Variants in NIM1K observed in about 807,000 individuals in gnomAD.
The protein encoded by NIM1K is serine/threonine-protein kinase NIM1.
A neutral mutation model predicts 37.1 loss-of-function variants in NIM1K; 35 were observed. The ratio of observed to expected loss-of-function variants is 0.94; its 90% CI spans 0.72 to 1.25. The LOEUF is 1.25. Among genes scored for constraint, NIM1K ranks in the 50% most tolerant of loss-of-function variants. The pLI is 0.00. For synonymous variants in NIM1K, 234 were observed against 206.6 expected (o/e 1.13, Z -1.14); for missense variants, 564 against 548.0 (o/e 1.03, Z -0.29).
chr5:43,209,479 G>C (rs1021684240), intron 1 of NIM1K, among the ~76,000 whole-genome samples: 1 of 151,354 alleles, frequency 6.6e-6, no homozygotes, highest in Non-Finnish European at 1.5e-5. Context: ...TTAAATTTTT[G>C]CCTTTTATTT....
chr5:43,235,330 C>A (rs1752605923), intron 1 of NIM1K, among the ~76,000 whole-genome samples: 1 of 152,122 alleles, frequency 6.6e-6, no homozygotes, highest in South Asian at 2.1e-4. Flanking sequence ...ATTGAAATAC[C>A]AATTTCATAC....
intron 1 of NIM1K, among the ~76,000 whole-genome samples, chr5:43,196,195 T>C (rs1370725764): frequency 2.0e-5 from 3 of 152,192 alleles, no homozygotes; most frequent in Non-Finnish European, 4.4e-5. Flanking sequence ...GTGTCTCTAT[T>C]TGTTGGAATT....
chr5:43,199,204 A>AAAAAAAAAAATAT (rs1200134957), intron 1 of NIM1K, among the ~76,000 whole-genome samples: 24 of 94,058 alleles, frequency 2.6e-4, no homozygotes, highest in Non-Finnish European at 4.5e-4. Context: ...AAAAAAAAAA[A>AAAAAAAAAAATAT]ATATATATAT....
At chr5:43,233,312 T>TAAA (rs548135228) in intron 1 of NIM1K, 3,678 of 299,814 alleles carry the variant, frequency 0.012, no homozygotes, top group East Asian at 0.022. Context: ...GAGTGACACT[T>TAAA]AAAAAAAAAA....
chr5:43,231,959 A>G, intron 1 of NIM1K: 1 of 963,460 alleles, frequency 1.0e-6, no homozygotes, highest in Non-Finnish European at 1.6e-6. Context: ...AGTGAACAAA[A>G]GCACTCTTGA....
chr5:43,192,375 C>A lies in NIM1K; in HGVS notation c.-731C>A, dbSNP rs1466505397. ...CAACCCAGCGCGCCTAGCCTGGCGCCGTGCAGCGAAGCCCAAGAGCTGGCC... is the reference window on the plus strand; with the variant it reads ...CAACCCAGCGCGCCTAGCCTGGCGCAGTGCAGCGAAGCCCAAGAGCTGGCC... On this transcript the variant is annotated 5_prime_UTR_variant, in exon 1 of 4. Coordinates refer to ENST00000326035, the MANE Select transcript of NIM1K (RefSeq NM_153361.4). The A allele has an allele frequency of 6.6e-6, 1 of 152,394 alleles. No homozygotes were observed. Among genetic ancestry groups the A allele is most frequent in the African/African-American group, 2.4e-5 (1 of 41,468 alleles). The allele number at this position is 152,394 out of a possible 1,614,324, so 9.4% of individuals were successfully genotyped here.
At chr5:43,224,156 T>C (rs2112234167) in intron 1 of NIM1K, among the ~76,000 whole-genome samples, 1 of 152,064 alleles carries the variant, frequency 6.6e-6, no homozygotes, top group East Asian at 1.9e-4. Flanking sequence ...TCCCCCCTCT[T>C]GCCTCCCTGA....
chr5:43,279,897 C>A, intron 3 of NIM1K, 83 bp from the exon 4 acceptor site: 1 of 1,095,470 alleles, frequency 9.1e-7, no homozygotes, highest in African/African-American at 1.6e-5. Flanking sequence ...CCATCATTAT[C>A]TCACTGTTTC....
At chr5:43,222,504 G>A (rs1173077000) in intron 1 of NIM1K, among the ~76,000 whole-genome samples, 1 of 152,072 alleles carries the variant, frequency 6.6e-6, no homozygotes, top group African/African-American at 2.4e-5. Flanking sequence ...CGCAGTGGGA[G>A]GATTGCTTAA....
intron 1 of NIM1K, among the ~76,000 whole-genome samples, chr5:43,228,290 G>C (rs1322131009): frequency 1.3e-5 from 2 of 151,796 alleles, no homozygotes; most frequent in Admixed American, 1.3e-4. Flanking sequence ...GGGACTACAG[G>C]TGCCCGCCAC....
At chr5:43,225,038 T>G (rs1478533108) in intron 1 of NIM1K, among the ~76,000 whole-genome samples, 1 of 152,120 alleles carries the variant, frequency 6.6e-6, no homozygotes, top group African/African-American at 2.4e-5. Flanking sequence ...AAGAGTGGGC[T>G]GATACAAAGT....
intron 1 of NIM1K, among the ~76,000 whole-genome samples, chr5:43,221,356 C>T (rs1331427814): frequency 2.7e-5 from 4 of 147,914 alleles, no homozygotes; most frequent in African/African-American, 1.0e-4. Flanking sequence ...GAGGCTGAGG[C>T]ATGAGAATTG....
intron 1 of NIM1K, among the ~76,000 whole-genome samples, chr5:43,211,112 C>G (rs930428641): frequency 1.3e-5 from 2 of 152,108 alleles, no homozygotes; most frequent in African/African-American, 4.8e-5. Flanking sequence ...GCAAAGGTTG[C>G]AGTGAGCCGA....
chr5:43,262,200 A>G (rs1036190479), intron 2 of NIM1K, among the ~76,000 whole-genome samples: 1 of 152,214 alleles, frequency 6.6e-6, no homozygotes, highest in Non-Finnish European at 1.5e-5. Flanking sequence ...TACCTTGGGC[A>G]GAATGACCAT....
At chr5:43,253,131 C>A (rs959023600) in intron 2 of NIM1K, among the ~76,000 whole-genome samples, 4 of 146,344 alleles carry the variant, frequency 2.7e-5, no homozygotes, top group Non-Finnish European at 6.0e-5. Context: ...GTGTGAGACA[C>A]CATGACTGGC....
chr5:43,235,856 T>C (rs1164633395), intron 1 of NIM1K, among the ~76,000 whole-genome samples: 3 of 152,062 alleles, frequency 2.0e-5, no homozygotes, highest in Non-Finnish European at 4.4e-5. Context: ...TTTTTTTTTT[T>C]TTTGGATGAT....
intron 1 of NIM1K, among the ~76,000 whole-genome samples, chr5:43,194,273 G>T (rs571953696): frequency 1.3e-5 from 2 of 152,194 alleles, no homozygotes; most frequent in African/African-American, 4.8e-5. Context: ...TCCTGCGAGA[G>T]GCTAGTGGGG....
rs1180649449 is a variant in NIM1K at position 43,239,581 on chromosome 5, C to T, written c.-694-5501C>T. On this transcript the variant is annotated intron_variant, in intron 1 of 3. Coordinates refer to ENST00000326035, the MANE Select transcript of NIM1K (RefSeq NM_153361.4). ...CACTCTTGTTTCCCAGGCTGGAGTACAATGGCGCAATCTTGGCTCACTACA... is the reference window on the plus strand; with the variant it reads ...CACTCTTGTTTCCCAGGCTGGAGTATAATGGCGCAATCTTGGCTCACTACA... 3.3e-5 allele frequency among the ~76,000 whole-genome samples: 5 copies of T among 152,034 alleles called. No homozygotes were observed. The East Asian group carries it at 9.7e-4, about 29-fold the overall frequency.
chr5:43,220,102 T>A (rs1393852068), intron 1 of NIM1K, among the ~76,000 whole-genome samples: 2 of 152,186 alleles, frequency 1.3e-5, no homozygotes, highest in African/African-American at 4.8e-5. Flanking sequence ...ATTGCTTATA[T>A]TTTTGTATTT....
Sources: gnomAD v4.1 joint callset for allele counts (sites outside exome capture counted in the v4.1 genomes callset) on GRCh38, gnomAD v4.1.1 for gene constraint, MANE v1.5 for transcripts, NCBI Gene and HGNC (gene_info 2026-07-23, HGNC 2026-07-21) for gene names.